Variants in PARD3 observed in about 807,000 individuals in gnomAD.
PARD3 encodes partitioning defective 3 homolog.
In PARD3, 75 loss-of-function variants were observed where a neutral mutation model predicts 155.4. The observed-to-expected ratio is 0.48, with a 90% CI of 0.40 to 0.58. The LOEUF is 0.58. Ranked by LOEUF, PARD3 falls within the 20% of genes least tolerant of loss-of-function variation. The pLI, the probability that PARD3 is intolerant of heterozygous loss-of-function variation, is 0.00. For missense variants in PARD3, 1,642 were observed against 1,721.7 expected, an observed-to-expected ratio of 0.95 and a Z score of 0.82; for synonymous variants, 576 against 610.5, an observed-to-expected ratio of 0.94 and a Z score of 0.83.
intron 3 of PARD3, among the ~76,000 whole-genome samples, chr10:34,500,612 A>G (rs1297115080): frequency 6.6e-6 from 1 of 152,078 alleles, no homozygotes; most frequent in Non-Finnish European, 1.5e-5. Context: ...GTGGTGGCTC[A>G]TGCCTGTAAT....
At chr10:34,588,374 C>T (rs2088305899) in intron 2 of PARD3, among the ~76,000 whole-genome samples, 1 of 152,142 alleles carries the variant, frequency 6.6e-6, no homozygotes, top group Admixed American at 6.5e-5. Flanking sequence ...GTGATACAAG[C>T]CACAGCTAAC....
At chr10:34,142,440 CAGG>C (rs1948238613) in intron 22 of PARD3, among the ~76,000 whole-genome samples, 1 of 151,420 alleles carries the variant, frequency 6.6e-6, no homozygotes, top group Non-Finnish European at 1.5e-5. Flanking sequence ...AAGGCTGAAG[CAGG>C]AGAATTGCTT....
intron 1 of PARD3, among the ~76,000 whole-genome samples, chr10:34,776,589 A>T (rs549869116): frequency 6.6e-6 from 1 of 151,446 alleles, no homozygotes; most frequent in East Asian, 1.9e-4. Context: ...GAAGGACAGC[A>T]AGGTTTTAAG....
intron 2 of PARD3, among the ~76,000 whole-genome samples, chr10:34,691,802 T>A (rs2094067472): frequency 1.9e-5 from 1 of 53,774 alleles, no homozygotes; most frequent in Admixed American, 1.6e-4. Flanking sequence ...CCTACAACCA[T>A]CTATCTGATC....
intron 22 of PARD3, among the ~76,000 whole-genome samples, chr10:34,167,437 C>T (rs536489897): frequency 1.3e-5 from 2 of 151,822 alleles, no homozygotes; most frequent in South Asian, 4.2e-4. Flanking sequence ...AACAGCACTG[C>T]GTGGTTTTCG....
intron 2 of PARD3, among the ~76,000 whole-genome samples, chr10:34,570,898 C>T (rs1394291112): frequency 1.3e-5 from 2 of 152,096 alleles, no homozygotes; most frequent in Non-Finnish European, 2.9e-5. Flanking sequence ...CCCAGGTGTC[C>T]CTAGACCACA....
At chr10:34,177,685 A>G (rs1232267484) in intron 22 of PARD3, among the ~76,000 whole-genome samples, 2 of 152,316 alleles carry the variant, frequency 1.3e-5, no homozygotes, top group East Asian at 3.9e-4. Flanking sequence ...GTTTTAGTAG[A>G]ATGCATGATC....
intron 19 of PARD3, among the ~76,000 whole-genome samples, chr10:34,327,205 T>C (rs1835118250): frequency 6.6e-6 from 1 of 152,180 alleles, no homozygotes; most frequent in South Asian, 2.1e-4. Context: ...AGATTGTCAA[T>C]GCCCTGACCT....
At chr10:34,194,368 C>T (rs1173960445) in intron 22 of PARD3, among the ~76,000 whole-genome samples, 3 of 152,154 alleles carry the variant, frequency 2.0e-5, no homozygotes, top group Non-Finnish European at 4.4e-5. Flanking sequence ...ACACAGCACA[C>T]AGCAGGTTCA....
chr10:34,484,532 TGTTG>T (rs1275940016), intron 3 of PARD3, among the ~76,000 whole-genome samples: 25 of 151,448 alleles, frequency 1.7e-4, no homozygotes, highest in Admixed American at 1.6e-3. Flanking sequence ...TGTTGTTGTT[TGTTG>T]TTGTTGTTGT....
At chr10:34,695,557 C>T (rs911860706) in intron 2 of PARD3, among the ~76,000 whole-genome samples, 3 of 151,568 alleles carry the variant, frequency 2.0e-5, no homozygotes, top group East Asian at 1.9e-4. Flanking sequence ...AAACGCTGAA[C>T]GTTCCTCCTC....
intron 2 of PARD3, among the ~76,000 whole-genome samples, chr10:34,641,328 G>A (rs1037641872): frequency 1.3e-5 from 2 of 152,218 alleles, no homozygotes; most frequent in Non-Finnish European, 2.9e-5. Context: ...CCCGGCACCT[G>A]CCCGCACCCT....
intron 4 of PARD3, among the ~76,000 whole-genome samples, chr10:34,460,273 G>T (rs373938899): frequency 7.2e-5 from 11 of 152,090 alleles, no homozygotes; most frequent in Non-Finnish European, 1.6e-4. Flanking sequence ...CAGGGAATTT[G>T]AGTAACGTCT....
chr10:34,538,821 T>C (rs114329929), intron 2 of PARD3, among the ~76,000 whole-genome samples: 294 of 152,350 alleles, frequency 1.9e-3, no homozygotes, highest in African/African-American at 6.4e-3. Flanking sequence ...GAGATCATGC[T>C]GAGTTTCTTC....
chr10:34,430,940 C>A (rs1201419335), intron 5 of PARD3, among the ~76,000 whole-genome samples: 2 of 152,188 alleles, frequency 1.3e-5, no homozygotes, highest in African/African-American at 4.8e-5. Context: ...TGAAGAGGAA[C>A]ATGTAGGTCA....
intron 2 of PARD3, among the ~76,000 whole-genome samples, chr10:34,559,635 G>A (rs965423743): frequency 1.3e-5 from 2 of 152,062 alleles, no homozygotes; most frequent in East Asian, 1.9e-4. Flanking sequence ...CAAGATTCTC[G>A]AAGTGAATGC....
At chr10:34,683,287 C>T (rs2093880982) in intron 2 of PARD3, among the ~76,000 whole-genome samples, 2 of 152,118 alleles carry the variant, frequency 1.3e-5, no homozygotes, top group East Asian at 1.9e-4. Flanking sequence ...TTACCGGGTA[C>T]TACACTCACA....
intron 2 of PARD3, among the ~76,000 whole-genome samples, chr10:34,552,328 T>C (rs1205806464): frequency 6.6e-6 from 1 of 152,332 alleles, no homozygotes; most frequent in South Asian, 2.1e-4. Flanking sequence ...AGTTAAACTA[T>C]GGCCTCAAGT....
In PARD3 at chr10:34,209,029, T is replaced by C. The variant is rs144213606; in HGVS notation, c.3419+60628A>G. 2.4e-3 allele frequency among the ~76,000 whole-genome samples: 372 copies of C among 152,310 alleles called. 3 individuals are homozygous for C. Among genetic ancestry groups the C allele is most frequent in the East Asian group, 0.017 (87 of 5,180 alleles). On this transcript the variant is annotated intron_variant, in intron 22 of 24. Coordinates refer to ENST00000374788, the MANE Select transcript of PARD3 (RefSeq NM_001184785.2). ...GAAAAGAGTATTTGAGAATGACCAT[T>C]TTCATGCAAACTAAAATTCCACATA...
Sources: gnomAD v4.1 joint callset for allele counts (sites outside exome capture counted in the v4.1 genomes callset) on GRCh38, gnomAD v4.1.1 for gene constraint, MANE v1.5 for transcripts, NCBI Gene and HGNC (gene_info 2026-07-23, HGNC 2026-07-21) for gene names.